The following EDIL3 variants were observed in gnomAD, a reference collection of about 807,000 sequenced individuals.
EDIL3 encodes the protein EGF like and discoidin domains 3, also known as EGF-like repeat and discoidin I-like domain-containing protein 3.
EDIL3 carries 37 observed loss-of-function variants against 67.4 expected under a neutral mutation model. That is an observed-to-expected ratio of 0.55 (90% confidence interval 0.42 to 0.72). The LOEUF (loss-of-function observed/expected upper bound fraction) is 0.72. Ranked by LOEUF, EDIL3 falls within the 30% of genes least tolerant of loss-of-function variation. The probability of loss-of-function intolerance (pLI) is 0.00; values close to 1 mark genes in which losing one functional copy is unlikely to be tolerated. For missense variants in EDIL3, 527 were observed against 586.3 expected, an observed-to-expected ratio of 0.90 and a Z score of 1.04; for synonymous variants, 195 against 196.3, an observed-to-expected ratio of 0.99 and a Z score of 0.05.
chr5:84,025,848 G>A (rs1456444883), intron 9 of EDIL3, among the ~76,000 whole-genome samples: 1 of 152,098 alleles, frequency 6.6e-6, no homozygotes, highest in African/African-American at 2.4e-5. Flanking sequence ...CACAAGAGTG[G>A]GCCTTTGCCA....
At chr5:84,155,762 A>G (rs1263626348) in intron 4 of EDIL3, among the ~76,000 whole-genome samples, 1 of 152,090 alleles carries the variant, frequency 6.6e-6, no homozygotes, top group Non-Finnish European at 1.5e-5. Context: ...TGTATATCAT[A>G]TTTTCTTTAT....
intron 10 of EDIL3, among the ~76,000 whole-genome samples, chr5:83,958,197 A>G (rs1744548570): frequency 6.6e-6 from 1 of 151,636 alleles, no homozygotes; most frequent in Non-Finnish European, 1.5e-5. Context: ...TGTTTTTGGC[A>G]TCAATTAGCC....
At chr5:84,353,542 C>T (rs1018509772) in intron 1 of EDIL3, among the ~76,000 whole-genome samples, 7 of 151,956 alleles carry the variant, frequency 4.6e-5, no homozygotes, top group East Asian at 1.9e-4. Context: ...TTATCTTGAA[C>T]GAAAAACTGA....
intron 9 of EDIL3, among the ~76,000 whole-genome samples, chr5:84,002,838 AG>A (rs1359408205): frequency 6.6e-6 from 1 of 152,204 alleles, no homozygotes; most frequent in African/African-American, 2.4e-5. Context: ...AGTAGGCCAA[AG>A]GTACTCTCTA....
At chr5:84,320,618 A>G (rs1746616873) in intron 1 of EDIL3, among the ~76,000 whole-genome samples, 1 of 151,972 alleles carries the variant, frequency 6.6e-6, no homozygotes, top group South Asian at 2.1e-4. Flanking sequence ...AGGCATTCCA[A>G]CTCTATACTA....
At chr5:84,011,459 T>C (rs1716826868) in intron 9 of EDIL3, among the ~76,000 whole-genome samples, 1 of 152,210 alleles carries the variant, frequency 6.6e-6, no homozygotes, top group South Asian at 2.1e-4. Flanking sequence ...TAGATGACCC[T>C]AACTGATCTT....
At chr5:83,986,795 G>T (rs1054032953) in intron 9 of EDIL3, among the ~76,000 whole-genome samples, 1 of 152,084 alleles carries the variant, frequency 6.6e-6, no homozygotes, top group Non-Finnish European at 1.5e-5. Flanking sequence ...AGAGGAAAGG[G>T]CATTCTAGAC....
At chr5:84,222,745 C>T (rs1279830957) in intron 3 of EDIL3, among the ~76,000 whole-genome samples, 1 of 149,544 alleles carries the variant, frequency 6.7e-6, no homozygotes, top group South Asian at 2.1e-4. Context: ...TGTTGAGCAC[C>T]TTATCATACA....
At chr5:83,945,533 C>T (rs1375181391) in intron 10 of EDIL3, among the ~76,000 whole-genome samples, 2 of 151,872 alleles carry the variant, frequency 1.3e-5, no homozygotes, top group East Asian at 3.9e-4. Context: ...TAGTTTTATA[C>T]CACTTCTTGG....
intron 3 of EDIL3, among the ~76,000 whole-genome samples, chr5:84,209,288 A>C (rs962425373): frequency 2.6e-5 from 4 of 152,008 alleles, no homozygotes; most frequent in Non-Finnish European, 4.4e-5. Context: ...TGACGAGTTA[A>C]TGGGTGCAGC....
In EDIL3 at chr5:84,012,868, T is replaced by C. The variant is rs1404279110; in HGVS notation, c.1137+47432A>G. Among the ~76,000 whole-genome samples the C allele has an allele frequency of 2.0e-5, 3 of 152,018 alleles. No homozygotes were observed. In the East Asian group the frequency reaches 5.8e-4, roughly 29 times the overall value. ...ACTCAAGAAGCCAAACTTATTACTC[T>C]ACAAATAGCTTTCACTTTAGAAGAC... On this transcript the variant is annotated intron_variant, in intron 9 of 10. Coordinates refer to ENST00000296591, the MANE Select transcript of EDIL3 (RefSeq NM_005711.5).
chr5:84,144,270 TTTCCTTCCTTCC>T (rs61382462), intron 4 of EDIL3, among the ~76,000 whole-genome samples: 4 of 147,988 alleles, frequency 2.7e-5, no homozygotes, highest in South Asian at 2.2e-4. Flanking sequence ...CCCTTCCTCC[TTTCCTTCCTTCC>T]TTCCTTCCTT....
At chr5:84,180,543 T>A (rs1429889923) in intron 3 of EDIL3, 22 bp from the exon 4 acceptor site, 1 of 1,543,224 alleles carries the variant, frequency 6.5e-7, no homozygotes, top group Admixed American at 2.2e-5. Flanking sequence ...AAAAAAATAT[T>A]TCTGCTTGAT....
intron 9 of EDIL3, among the ~76,000 whole-genome samples, chr5:84,010,006 A>C (rs1745490241): frequency 6.6e-6 from 1 of 152,236 alleles, no homozygotes; most frequent in African/African-American, 2.4e-5. Flanking sequence ...ATAAAGGCTG[A>C]AACTGAGCAA....
intron 9 of EDIL3, among the ~76,000 whole-genome samples, chr5:83,978,579 A>G (rs1250051409): frequency 6.6e-6 from 1 of 151,928 alleles, no homozygotes; most frequent in African/African-American, 2.4e-5. Context: ...GTGAGGTACT[A>G]TTGCCGCCTA....
intron 5 of EDIL3, among the ~76,000 whole-genome samples, chr5:84,128,170 G>A (rs1308030736): frequency 2.0e-5 from 3 of 152,070 alleles, no homozygotes; most frequent in Non-Finnish European, 4.4e-5. Flanking sequence ...GCCAAACTCA[G>A]CTCCATAGTT....
At chr5:84,339,878 T>C (rs929965082) in intron 1 of EDIL3, among the ~76,000 whole-genome samples, 4 of 152,126 alleles carry the variant, frequency 2.6e-5, no homozygotes, top group Non-Finnish European at 4.4e-5. Flanking sequence ...TGTTAAAATA[T>C]ACCTAATTAT....
At chr5:84,354,705 T>C (rs1316449855) in intron 1 of EDIL3, among the ~76,000 whole-genome samples, 1 of 152,058 alleles carries the variant, frequency 6.6e-6, no homozygotes, top group Non-Finnish European at 1.5e-5. Flanking sequence ...TAATTTTTTG[T>C]AGCTTACACA....
chr5:84,088,565 A>C (rs898178288), intron 6 of EDIL3, among the ~76,000 whole-genome samples: 1 of 152,236 alleles, frequency 6.6e-6, no homozygotes, highest in Admixed American at 6.5e-5. Flanking sequence ...GATAGTAATA[A>C]ACTAAGGAGA....
Sources: allele counts gnomAD v4.1 joint callset (sites outside exome capture counted in the v4.1 genomes callset), GRCh38; gene constraint gnomAD v4.1.1; transcripts MANE v1.5; gene names NCBI Gene and HGNC (gene_info 2026-07-23, HGNC 2026-07-21).